SLC26A5: variants seen among roughly 807,000 people sequenced by gnomAD.
SLC26A5 encodes the protein prestin.
Under a neutral mutation model 81.0 loss-of-function variants are expected in SLC26A5, and 51 were observed. The ratio of observed to expected loss-of-function variants is 0.63; its 90% confidence interval spans 0.50 to 0.80. SLC26A5 has a LOEUF of 0.80. SLC26A5 is among the 30% of genes least tolerant of loss of function. The probability of loss-of-function intolerance (pLI) is 0.00; values close to 1 mark genes in which losing one functional copy is unlikely to be tolerated. For synonymous variants in SLC26A5, 325 were observed against 332.8 expected, an observed-to-expected ratio of 0.98 and a Z score of 0.25; for missense variants, 771 against 905.8, an observed-to-expected ratio of 0.85 and a Z score of 1.91.
chr7:103,384,086 G>A (rs986353397), intron 14 of SLC26A5, among the ~76,000 whole-genome samples: 8 of 152,008 alleles, frequency 5.3e-5, no homozygotes, highest in Non-Finnish European at 7.4e-5. Flanking sequence ...AGCTGTGACC[G>A]TACAAGTGCA....
At chr7:103,371,405 A>G (rs1039699756), downstream of SLC26A5, among the ~76,000 whole-genome samples, 22 of 151,346 alleles carry the variant, frequency 1.5e-4, no homozygotes, top group African/African-American at 5.3e-4. Flanking sequence ...GCTCACTGCA[A>G]GCTCCGCCTC....
chr7:103,376,786 C>T, intron 19 of SLC26A5, 22 bp downstream of exon 19: 2 of 1,544,254 alleles, frequency 1.3e-6, no homozygotes, highest in South Asian at 2.3e-5. Flanking sequence ...TAAGCTTCAC[C>T]CCATCTTAGA....
At chr7:103,432,897 G>T (rs920120648) in intron 2 of SLC26A5, among the ~76,000 whole-genome samples, 1 of 152,072 alleles carries the variant, frequency 6.6e-6, no homozygotes, top group Non-Finnish European at 1.5e-5. Flanking sequence ...ACTACTGTTG[G>T]TGTTTGTTTA....
intron 2 of SLC26A5, among the ~76,000 whole-genome samples, chr7:103,435,532 T>G (rs1826386479): frequency 6.6e-6 from 1 of 152,172 alleles, no homozygotes; most frequent in Non-Finnish European, 1.5e-5. Context: ...CTAGTTATAC[T>G]TTGGGTGAAG....
chr7:103,384,480 C>T (rs992821896), intron 14 of SLC26A5, among the ~76,000 whole-genome samples: 5 of 151,866 alleles, frequency 3.3e-5, no homozygotes, highest in Admixed American at 1.3e-4. Flanking sequence ...GGTGTGGTGG[C>T]GGGCACCTGT....
Position 103,367,024 on chromosome 7 carries a change from C to T in SLC26A5, c.2041+9784G>A, listed in dbSNP as rs1261990245. 6.6e-6 allele frequency among the ~76,000 whole-genome samples: 1 copy of T among 152,058 alleles called. No individual in the cohort carries two copies. The highest frequency in any genetic ancestry group is 1.5e-5 in the Non-Finnish European group (1 of 68,012). ...TTCACCATGTTGGCCAGGCTGGTCT[C>T]GAACTCCTGAGGACAAGTTATTTTA... On this transcript the variant is annotated intron_variant, in intron 19 of 19. Coordinates refer to the SLC26A5 transcript ENST00000339444. The surrounding 1 kb of genome is among the most constrained non-coding windows in gnomAD (Gnocchi z 6.1).
In SLC26A5 at chr7:103,423,602, C is replaced by T. The variant is rs1264113319; in HGVS notation, c.-53-2035G>A. 2.0e-5 allele frequency among the ~76,000 whole-genome samples: 3 copies of T among 152,200 alleles called. No individual in the cohort carries two copies. In the East Asian group the frequency reaches 5.8e-4, roughly 29 times the overall value. ...AAAAGACTTAGCACAGGGAGTTCAC[C>T]CCCTTTCATCCCTTCTGTCCCTTCC... On this transcript the variant is annotated intron_variant, in intron 2 of 19. Transcript: ENST00000306312.
intron 19 of SLC26A5, among the ~76,000 whole-genome samples, chr7:103,353,399 T>G (rs1795122515): frequency 6.6e-6 from 1 of 152,142 alleles, no homozygotes; most frequent in Admixed American, 6.5e-5. Flanking sequence ...CTCCGCCTCC[T>G]GGGTTCAAGC....
Position 103,378,470 on chromosome 7 carries a change from C to T in SLC26A5, c.1761G>A (p.Met587Ile). The change falls in exon 17 of 20, where the codon ATG (methionine) becomes ATA (isoleucine). Residue 587 changes from methionine (M) to isoleucine (I), a missense_variant. Met to Ile is a conservative substitution (Grantham distance 10). Transcript: ENST00000306312. ...CTGCTTTGACAACAGTTGCGTTGGC[C>T]ATATTTGCATTTCCGACTTCCTTAG... ...KYAKEVGNAN[M>I]ANATVVKADA... The T allele has an allele frequency of 6.2e-7, 1 of 1,614,118 alleles. No individual in the cohort carries two copies. The highest frequency in any genetic ancestry group is 1.1e-5 in the South Asian group (1 of 91,084).
intron 2 of SLC26A5, among the ~76,000 whole-genome samples, chr7:103,427,396 T>C (rs1205096826): frequency 6.6e-6 from 1 of 151,996 alleles, no homozygotes; most frequent in African/African-American, 2.4e-5. Flanking sequence ...GATTTTAAAA[T>C]CTAAATTTAT....
intron 2 of SLC26A5, among the ~76,000 whole-genome samples, chr7:103,442,720 A>G (rs1826969528): frequency 6.6e-6 from 1 of 152,220 alleles, no homozygotes; most frequent in African/African-American, 2.4e-5. Context: ...GACTTGCCCA[A>G]GATCATATGC....
Position 103,377,757 on chromosome 7 carries a change from C to T in SLC26A5, c.1828G>A (p.Glu610Lys), listed in dbSNP as rs148538056. ...GGGGGATATTTTACTTCACCATCCT[C>T]TTCTTCAGGCTTGGTAGCATCCTCT... Reference protein sequence around the residue: ...DGEDATKPEEEDGEVKYPPIV... With the variant: ...DGEDATKPEEKDGEVKYPPIV... The change falls in exon 18 of 20, where the codon GAG (glutamate) becomes AAG (lysine). Residue 610 changes from glutamate (E) to lysine (K), a missense_variant. Coordinates refer to ENST00000306312, the MANE Select transcript of SLC26A5 (RefSeq NM_198999.3). The T allele has an allele frequency of 4.0e-5, 64 of 1,614,094 alleles. 2 individuals carry two copies. The Middle Eastern group carries it at 9.9e-4, about 25-fold the overall frequency.
At chr7:103,438,957 C>T (rs1181096350) in intron 2 of SLC26A5, among the ~76,000 whole-genome samples, 2 of 152,144 alleles carry the variant, frequency 1.3e-5, no homozygotes, top group Non-Finnish European at 2.9e-5. Context: ...TTTCATGAAA[C>T]AATGTGCAGA....
chr7:103,394,533 C>A (rs1822932996), intron 9 of SLC26A5, among the ~76,000 whole-genome samples: 1 of 152,152 alleles, frequency 6.6e-6, no homozygotes, highest in Non-Finnish European at 1.5e-5. Flanking sequence ...AACAAACAAA[C>A]AAGAAAACAG....
chr7:103,417,973 C>G (rs1825058335), intron 4 of SLC26A5, among the ~76,000 whole-genome samples: 1 of 152,174 alleles, frequency 6.6e-6, no homozygotes, highest in Non-Finnish European at 1.5e-5. Context: ...AACCCCTGAC[C>G]TCAGGTTATC....
intron 2 of SLC26A5, among the ~76,000 whole-genome samples, chr7:103,426,054 A>G (rs1825692588): frequency 6.6e-6 from 1 of 152,262 alleles, no homozygotes; most frequent in South Asian, 2.1e-4. Context: ...ATTCTGTGCA[A>G]TGCATTATAG....
intron 19 of SLC26A5, chr7:103,355,627 GT>G: frequency 8.2e-7 from 1 of 1,220,634 alleles, no homozygotes. Flanking sequence ...TAGTGCTGAG[GT>G]TTAGAAAGCT....
At chr7:103,370,520 CTG>C (rs1820974813), downstream of SLC26A5, among the ~76,000 whole-genome samples, 1 of 152,154 alleles carries the variant, frequency 6.6e-6, no homozygotes, top group Non-Finnish European at 1.5e-5. Context: ...GAGGCTGGTA[CTG>C]TCTTTCTCTG....
chr7:103,386,317 C>T (rs1210059784), intron 14 of SLC26A5, among the ~76,000 whole-genome samples: 1 of 151,872 alleles, frequency 6.6e-6, no homozygotes, highest in African/African-American at 2.4e-5. Context: ...CCTGTAATCC[C>T]AGCACTTTGG....
Sources: allele counts gnomAD v4.1 joint callset (sites outside exome capture counted in the v4.1 genomes callset), GRCh38; gene constraint gnomAD v4.1.1; non-coding constraint Gnocchi (gnomAD v3.1); transcripts MANE v1.5; gene names NCBI Gene and HGNC (gene_info 2026-07-23, HGNC 2026-07-21).